Variants in VPS33A observed in about 807,000 individuals in gnomAD.
VPS33A encodes the protein VPS33A core subunit of CORVET and HOPS complexes, also known as vacuolar protein sorting-associated protein 33A.
VPS33A carries 32 observed loss-of-function variants against 71.8 expected under a neutral mutation model. That is an observed-to-expected ratio of 0.45 (90% CI 0.34 to 0.60). The LOEUF (loss-of-function observed/expected upper bound fraction) is 0.60. Ranked by LOEUF, VPS33A falls within the 20% of genes least tolerant of loss-of-function variation. The pLI is 0.02. For synonymous variants in VPS33A, 311 were observed against 292.7 expected (o/e 1.06, Z -0.64); for missense variants, 625 against 748.5 (o/e 0.84, Z 1.92).
chr12:122,241,458 C>T (rs1190902962), intron 8 of VPS33A, among the ~76,000 whole-genome samples: 1 of 152,042 alleles, frequency 6.6e-6, no homozygotes, highest in Non-Finnish European at 1.5e-5. Context: ...GTGCCCGCCA[C>T]CACACCTGGC....
intron 4 of VPS33A, chr12:122,253,335 A>C (rs1954869876): frequency 6.6e-6 from 1 of 152,290 alleles, no homozygotes; most frequent in Admixed American, 6.6e-5. Context: ...GGGGAGGATC[A>C]TGAGGTCGGG....
At chr12:122,249,654 T>C in intron 6 of VPS33A, 1 of 391,050 alleles carries the variant, frequency 2.6e-6, no homozygotes, top group Non-Finnish European at 4.5e-6. Context: ...TCAAGGCACA[T>C]TCTTAGGCTT....
intron 4 of VPS33A, chr12:122,253,089 C>G (rs1325635447): frequency 6.6e-6 from 1 of 152,152 alleles, no homozygotes; most frequent in Non-Finnish European, 1.5e-5. Context: ...GGAAGGATGG[C>G]AGACATGGTG....
At chr12:122,240,000 G>GTGGCA in intron 8 of VPS33A, 55 bp from the exon 9 acceptor site, 1 of 1,353,726 alleles carries the variant, frequency 7.4e-7, no homozygotes, top group South Asian at 1.2e-5. Context: ...ATTTACTTGA[G>GTGGCA]TGGCATGCTT....
intron 7 of VPS33A, 102 bp from the exon 8 acceptor site, chr12:122,242,610 T>C: frequency 1.4e-6 from 2 of 1,401,740 alleles, no homozygotes; most frequent in South Asian, 3.0e-5. Flanking sequence ...TGGAGTGCAG[T>C]GGCGCAATCT....
At chr12:122,264,285 T>A in intron 1 of VPS33A, 86 bp from the exon 2 acceptor site, 1 of 1,011,172 alleles carries the variant, frequency 9.9e-7, no homozygotes, top group Non-Finnish European at 1.4e-6. Context: ...ACAGGAGGAG[T>A]ATTTGCTTCA....
Position 122,233,228 on chromosome 12 carries a change from CT to C in VPS33A, c.1441-261del, listed in dbSNP as rs11365018. 0.21 allele frequency among the ~76,000 whole-genome samples: 29,848 copies of C among 143,254 alleles called. 5,941 individuals carry two copies. Among genetic ancestry groups the C allele is most frequent in the African/African-American group, 0.54 (20,964 of 39,028 alleles). The allele number at this position is 143,254 out of a possible 152,430, so 94.0% of individuals were successfully genotyped here. Reference sequence around the variant, plus strand: ...AAGAATTATTTGGTTTGGCATGAAACTTTTTTTTTTTTTTTGAGACAGAGTC... The same window carrying C: ...AAGAATTATTTGGTTTGGCATGAAACTTTTTTTTTTTTTTGAGACAGAGTC... On this transcript the variant is annotated intron_variant, in intron 11 of 12. Transcript: ENST00000267199.
intron 6 of VPS33A, chr12:122,248,011 C>T (rs1231240024): frequency 6.6e-6 from 1 of 152,168 alleles, no homozygotes; most frequent in Non-Finnish European, 1.5e-5. Context: ...ATTCTCGTGC[C>T]TCAGCCTCCT....
At position 122,245,443 on chromosome 12, in the gene VPS33A, G is replaced by GTTT. The variant is rs757738399; in HGVS notation, c.776-684_776-682dup. ...GAGGACCAAACTCTGTTCACGTTCT[G>GTTT]TTTTTTTTTTTTTTTTTGAGACGGA... On this transcript the variant is annotated intron_variant, in intron 6 of 12. Coordinates refer to ENST00000267199, the MANE Select transcript of VPS33A (RefSeq NM_022916.6). Among the ~76,000 whole-genome samples, 13 of 133,220 alleles carry GTTT rather than the reference G, an allele frequency of 9.8e-5. 1 individual carries two copies. The highest frequency in any genetic ancestry group is 7.1e-4 in the South Asian group (3 of 4,196). The allele number at this position is 133,220 out of a possible 152,430, so 87.4% of individuals were successfully genotyped here.
At position 122,266,448 on chromosome 12, in the gene VPS33A, C is replaced by T; in HGVS notation, c.-40G>A. ...CCCTGCCCCACAACGCCAACCGAGTCCGCCGGTTCCTACGGGAGGACCACG... is the reference window on the plus strand; with the variant it reads ...CCCTGCCCCACAACGCCAACCGAGTTCGCCGGTTCCTACGGGAGGACCACG... On this transcript the variant is annotated 5_prime_UTR_variant, in exon 1 of 13. Transcript: ENST00000267199. The T allele has an allele frequency of 6.3e-7, 1 of 1,589,234 alleles. No homozygotes were observed. The highest frequency in any genetic ancestry group is 8.6e-7 in the Non-Finnish European group (1 of 1,162,004).
chr12:122,253,972 A>G (rs1954879658), intron 4 of VPS33A, among the ~76,000 whole-genome samples: 1 of 152,034 alleles, frequency 6.6e-6, no homozygotes, highest in Admixed American at 6.6e-5. Flanking sequence ...GTGCCACCAC[A>G]CCCAGCCCAA....
chr12:122,239,487 A>G (rs547133860), intron 9 of VPS33A, among the ~76,000 whole-genome samples: 29 of 152,244 alleles, frequency 1.9e-4, no homozygotes, highest in East Asian at 3.9e-4. Flanking sequence ...TGTAATCCCA[A>G]CAGTTTGGGA....
chr12:122,259,892 A>G (rs1294251601), intron 4 of VPS33A, among the ~76,000 whole-genome samples: 2 of 152,100 alleles, frequency 1.3e-5, no homozygotes, highest in Admixed American at 6.5e-5. Flanking sequence ...ATTAAAAAAA[A>G]ATTAGCCAGG....
At chr12:122,263,999 G>T in intron 2 of VPS33A, 135 bp downstream of exon 2, 1 of 743,140 alleles carries the variant, frequency 1.3e-6, no homozygotes, top group Non-Finnish European at 2.1e-6. Flanking sequence ...AATGTTAATC[G>T]GGCACTAGTA....
Position 122,231,742 on chromosome 12 carries a change from TTTCTTCTA to T in VPS33A, c.*496_*503del, listed in dbSNP as rs139578646. On this transcript the variant is annotated 3_prime_UTR_variant, in exon 13 of 13. Transcript: ENST00000267199. ...CAGTGCTGCTTTTACTCAGGTTGAT[TTTCTTCTA>T]TTCTTCTTTCTTCAGCAGATTAGGG... 0.017 allele frequency: 3,046 copies of T among 183,072 alleles called. 97 individuals are homozygous for T. Among genetic ancestry groups the T allele is most frequent in the African/African-American group, 0.066 (2,851 of 42,892 alleles). 11.3% of individuals were successfully genotyped at this position (183,072 alleles called of 1,614,324 possible).
At chr12:122,244,791 C>T in intron 6 of VPS33A, 29 bp from the exon 7 acceptor site, 1 of 1,585,516 alleles carries the variant, frequency 6.3e-7, no homozygotes, top group Non-Finnish European at 8.6e-7. Context: ...GAATAAGCAC[C>T]TGTGTGCAAT....
At chr12:122,236,067 G>A in intron 10 of VPS33A, 144 bp from the exon 11 acceptor site, 1 of 1,004,576 alleles carries the variant, frequency 1.0e-6, no homozygotes, top group East Asian at 2.6e-5. Flanking sequence ...GATGGGCACA[G>A]AGGACAGGGT....
rs1954568545 is a variant in VPS33A, at chr12:122,232,033, G to A, written c.*213C>T. On this transcript the variant is annotated 3_prime_UTR_variant, in exon 13 of 13. Transcript: ENST00000267199. ...GACCGTGCCACTGCACTCTAGTCTG[G>A]GTGACAGAGCAAGACTCCGTCTCAA... 1 of 496,450 alleles carries A rather than the reference G, an allele frequency of 2.0e-6. No individual in the cohort carries two copies. The highest frequency in any genetic ancestry group is 3.4e-6 in the Non-Finnish European group (1 of 290,912). The allele number at this position is 496,450 out of a possible 1,614,324, so 30.8% of individuals were successfully genotyped here.
intron 10 of VPS33A, among the ~76,000 whole-genome samples, chr12:122,237,204 C>T (rs1309257171): frequency 6.6e-6 from 1 of 152,122 alleles, no homozygotes; most frequent in Non-Finnish European, 1.5e-5. Context: ...TTATAAGTAA[C>T]ACAGGCTTAA....
Sources: allele counts gnomAD v4.1 joint callset (sites outside exome capture counted in the v4.1 genomes callset), GRCh38; gene constraint gnomAD v4.1.1; transcripts MANE v1.5; gene names NCBI Gene and HGNC (gene_info 2026-07-23, HGNC 2026-07-21).